ARMC3: variants seen among roughly 807,000 people sequenced by gnomAD.
The protein encoded by ARMC3 is armadillo repeat containing 3, also known as armadillo repeat-containing protein 3.
Under a neutral mutation model 90.3 loss-of-function variants are expected in ARMC3, and 74 were observed. The observed-to-expected ratio is 0.82, with a 90% confidence interval of 0.68 to 0.99. ARMC3 has a LOEUF of 0.99. ARMC3 is among the 50% of genes least tolerant of loss of function. ARMC3 has a pLI of 0.00. For missense variants in ARMC3, 958 were observed against 1,042.8 expected (o/e 0.92, Z 1.12); for synonymous variants, 334 against 361.8 (o/e 0.92, Z 0.87).
At chr10:22,982,014 C>A (rs867112382) in intron 10 of ARMC3, among the ~76,000 whole-genome samples, 1 of 152,126 alleles carries the variant, frequency 6.6e-6, no homozygotes, top group South Asian at 2.1e-4. Flanking sequence ...AAGACAAGAT[C>A]GGATGAGCAT....
chr10:22,969,297 T>A (rs886759501), intron 8 of ARMC3, among the ~76,000 whole-genome samples: 1 of 152,200 alleles, frequency 6.6e-6, no homozygotes, highest in African/African-American at 2.4e-5. Flanking sequence ...CAGATGAAAT[T>A]ATAGTTTTAA....
intron 16 of ARMC3, among the ~76,000 whole-genome samples, chr10:23,017,017 T>C (rs1838304560): frequency 6.6e-6 from 1 of 152,198 alleles, no homozygotes; most frequent in Admixed American, 6.5e-5. Flanking sequence ...TTGACCTTCC[T>C]AGTATTGGTT....
At chr10:22,993,579 A>G (rs1836809256) in intron 10 of ARMC3, among the ~76,000 whole-genome samples, 1 of 152,174 alleles carries the variant, frequency 6.6e-6, no homozygotes, top group Non-Finnish European at 1.5e-5. Flanking sequence ...CCTTGAGTTG[A>G]TTCGAGTCAA....
At chr10:22,975,109 A>G (rs1366524743) in intron 8 of ARMC3, among the ~76,000 whole-genome samples, 2 of 152,228 alleles carry the variant, frequency 1.3e-5, no homozygotes, top group Non-Finnish European at 2.9e-5. Flanking sequence ...TAACCAGAGT[A>G]TATTTTTCAG....
chr10:23,017,207 C>G (rs1838314125), intron 16 of ARMC3, among the ~76,000 whole-genome samples: 3 of 152,094 alleles, frequency 2.0e-5, no homozygotes. Context: ...CTCTCTTTTA[C>G]TTAGCTGCAG....
At chr10:23,016,819 G>T (rs1430879822) in intron 16 of ARMC3, among the ~76,000 whole-genome samples, 1 of 152,112 alleles carries the variant, frequency 6.6e-6, no homozygotes, top group Non-Finnish European at 1.5e-5. Flanking sequence ...ATGACTCCTT[G>T]TTCTTACATC....
At chr10:22,987,768 C>A (rs907055218) in intron 10 of ARMC3, among the ~76,000 whole-genome samples, 8 of 152,158 alleles carry the variant, frequency 5.3e-5, no homozygotes, top group African/African-American at 1.7e-4. Flanking sequence ...CCTTTTATTA[C>A]CATTTCTTTG....
chr10:22,952,002 G>A (rs1834756305), intron 3 of ARMC3, among the ~76,000 whole-genome samples: 1 of 152,092 alleles, frequency 6.6e-6, no homozygotes, highest in African/African-American at 2.4e-5. Flanking sequence ...GCATGCGTCT[G>A]TAGTCCCAGC....
At chr10:22,954,994 A>G (rs1297149045) in intron 3 of ARMC3, among the ~76,000 whole-genome samples, 2 of 152,136 alleles carry the variant, frequency 1.3e-5, no homozygotes, top group South Asian at 2.1e-4. Flanking sequence ...CTAGAGTTCC[A>G]AGGCCTGAGA....
intron 8 of ARMC3, among the ~76,000 whole-genome samples, chr10:22,979,279 C>T (rs2131329849): frequency 6.6e-6 from 1 of 152,234 alleles, no homozygotes; most frequent in South Asian, 2.1e-4. Context: ...GTAATTAAAA[C>T]ACAAATACTC....
intron 16 of ARMC3, among the ~76,000 whole-genome samples, chr10:23,029,663 T>C (rs1049385097): frequency 6.6e-6 from 1 of 152,184 alleles, no homozygotes; most frequent in Non-Finnish European, 1.5e-5. Context: ...TTTGAGAGTA[T>C]CTTTTCCATT....
chr10:23,028,764 T>C (rs1451140195), intron 16 of ARMC3, among the ~76,000 whole-genome samples: 2 of 152,182 alleles, frequency 1.3e-5, no homozygotes, highest in Non-Finnish European at 1.5e-5. Context: ...TAGCAGTCTA[T>C]CCAGTAGTTC....
chr10:22,990,128 T>C (rs182995712), intron 10 of ARMC3, among the ~76,000 whole-genome samples: 61 of 152,046 alleles, frequency 4.0e-4, no homozygotes, highest in African/African-American at 1.5e-3. Context: ...TTTCCAACAT[T>C]ACTGATTTTC....
intron 16 of ARMC3, among the ~76,000 whole-genome samples, chr10:23,015,692 T>A (rs1838241025): frequency 6.6e-6 from 1 of 152,242 alleles, no homozygotes; most frequent in South Asian, 2.1e-4. Context: ...AGGATAATGA[T>A]TTCCTAAAAC....
intron 16 of ARMC3, among the ~76,000 whole-genome samples, chr10:23,024,682 A>C (rs1838647960): frequency 6.6e-6 from 1 of 152,144 alleles, no homozygotes; most frequent in Non-Finnish European, 1.5e-5. Flanking sequence ...ACCTATACAA[A>C]AAGCTATGCT....
chr10:22,962,086 G>A lies in ARMC3; in HGVS notation c.732+8G>A, dbSNP rs992862996. ...AAGATCCTAGAAACTAAGGTATTTAGTTTCATTCATTCCACCCTCTATGAG... is the reference window on the plus strand; with the variant it reads ...AAGATCCTAGAAACTAAGGTATTTAATTTCATTCATTCCACCCTCTATGAG... On this transcript the variant is annotated splice_region_variant and intron_variant, in intron 7 of 18. Coordinates refer to ENST00000298032, the MANE Select transcript of ARMC3 (RefSeq NM_173081.5). 2.0e-6 allele frequency: 3 copies of A among 1,521,990 alleles called. No homozygotes were observed. Among genetic ancestry groups the A allele is most frequent in the African/African-American group, 2.8e-5 (2 of 71,214 alleles). 94.3% of individuals were successfully genotyped at this position (1,521,990 alleles called of 1,614,324 possible). A position where few individuals can be genotyped will look rare whatever the true frequency, so the allele number is the denominator to read the frequency against.
At chr10:23,037,141 C>A in intron 18 of ARMC3, 129 bp from the exon 19 acceptor site, 1 of 800,964 alleles carries the variant, frequency 1.2e-6, no homozygotes. Context: ...CATCTTTCAG[C>A]CTCCTATCTA....
intron 10 of ARMC3, among the ~76,000 whole-genome samples, chr10:22,996,743 C>T (rs1836974886): frequency 6.6e-6 from 1 of 152,190 alleles, no homozygotes; most frequent in African/African-American, 2.4e-5. Context: ...CTGCTTACAC[C>T]TATGGCTACC....
At chr10:23,026,338 A>G (rs1184120669) in intron 16 of ARMC3, among the ~76,000 whole-genome samples, 1 of 152,114 alleles carries the variant, frequency 6.6e-6, no homozygotes, top group Non-Finnish European at 1.5e-5. Flanking sequence ...TAAATCCTGT[A>G]TGAAATACCA....
Sources: gnomAD v4.1 joint callset for allele counts (sites outside exome capture counted in the v4.1 genomes callset) on GRCh38, gnomAD v4.1.1 for gene constraint, MANE v1.5 for transcripts, NCBI Gene and HGNC (gene_info 2026-07-23, HGNC 2026-07-21) for gene names.